SPON1: variants seen among roughly 807,000 people sequenced by gnomAD.
The protein encoded by SPON1 is spondin-1.
SPON1 carries 52 observed loss-of-function variants against 111.7 expected under a neutral mutation model. The ratio of observed to expected loss-of-function variants is 0.47; its 90% CI spans 0.37 to 0.59. The LOEUF (loss-of-function observed/expected upper bound fraction) is 0.59, where lower values mean the gene tolerates loss of function less well. Ranked by LOEUF, SPON1 falls within the 20% of genes least tolerant of loss-of-function variation. The pLI, the probability that SPON1 is intolerant of heterozygous loss-of-function variation, is 0.00. For missense variants in SPON1, 957 were observed against 1,068.5 expected, an observed-to-expected ratio of 0.90 and a Z score of 1.46; for synonymous variants, 410 against 395.8, an observed-to-expected ratio of 1.04 and a Z score of -0.43.
chr11:14,091,899 C>T (rs995763763), intron 5 of SPON1, among the ~76,000 whole-genome samples: 2 of 152,166 alleles, frequency 1.3e-5, no homozygotes, highest in Non-Finnish European at 2.9e-5. Context: ...CTCAATCCCT[C>T]ACGGCTTCCT....
At chr11:14,014,118 T>G (rs942781463) in intron 2 of SPON1, among the ~76,000 whole-genome samples, 7 of 152,192 alleles carry the variant, frequency 4.6e-5, no homozygotes, top group Non-Finnish European at 1.0e-4. Context: ...CCAAACTGCC[T>G]TGGCTTACCT....
At chr11:14,079,430 C>T (rs1848943378) in intron 4 of SPON1, among the ~76,000 whole-genome samples, 1 of 152,084 alleles carries the variant, frequency 6.6e-6, no homozygotes, top group Admixed American at 6.6e-5. Flanking sequence ...TTTCACTGCT[C>T]TGCTTCAAAG....
chr11:14,257,921 C>T, intron 11 of SPON1, 23 bp downstream of exon 11: 1 of 1,506,054 alleles, frequency 6.6e-7, no homozygotes, highest in Non-Finnish European at 8.9e-7. Flanking sequence ...CCCAGACCAG[C>T]CAGGGGCTGG....
chr11:14,160,937 A>ATATATT (rs1564919778), intron 6 of SPON1, among the ~76,000 whole-genome samples: 2,260 of 51,128 alleles, frequency 0.044, 542 homozygotes, highest in Non-Finnish European at 0.062. Flanking sequence ...ATATATTTAT[A>ATATATT]TATATATTTA....
At chr11:14,159,933 C>T (rs892416442) in intron 6 of SPON1, among the ~76,000 whole-genome samples, 23 of 151,590 alleles carry the variant, frequency 1.5e-4, no homozygotes, top group African/African-American at 3.6e-4. Flanking sequence ...GATGGTTAAC[C>T]GGTACAAAAA....
intron 6 of SPON1, among the ~76,000 whole-genome samples, chr11:14,156,167 CTT>C (rs2133870875): frequency 1.5e-5 from 2 of 132,988 alleles, no homozygotes; most frequent in South Asian, 5.1e-4. Flanking sequence ...TGTTTCCTGA[CTT>C]TTTAATGATT....
At chr11:14,170,452 T>C (rs1348807307) in intron 6 of SPON1, among the ~76,000 whole-genome samples, 2 of 152,196 alleles carry the variant, frequency 1.3e-5, no homozygotes, top group African/African-American at 4.8e-5. Context: ...CAGGGACAAT[T>C]TGACTTCCTC....
chr11:14,152,000 C>A (rs1554929950), intron 6 of SPON1, among the ~76,000 whole-genome samples: 2 of 152,186 alleles, frequency 1.3e-5, no homozygotes, highest in East Asian at 3.8e-4. Context: ...CATGTCATTT[C>A]TGCCTCCTTG....
chr11:14,237,216 A>G (rs1471046449), intron 6 of SPON1, among the ~76,000 whole-genome samples: 4 of 152,178 alleles, frequency 2.6e-5, no homozygotes, highest in Non-Finnish European at 5.9e-5. Flanking sequence ...CAGGATGGAT[A>G]TTTTTTGTGC....
Position 14,145,505 on chromosome 11 carries a change from C to A in SPON1, c.825+9937C>A, listed in dbSNP as rs1847706827. ...ATATATTACCTTAAGATTTAGAAGA[C>A]AATTTAGCAATATCTATCAAAATTA... On this transcript the variant is annotated intron_variant, in intron 6 of 15. Transcript: ENST00000576479. Among the ~76,000 whole-genome samples, 3 of 152,158 alleles carry A rather than the reference C, an allele frequency of 2.0e-5. No individual in the cohort carries two copies. The South Asian group carries it at 6.2e-4, about 32-fold the overall frequency.
In SPON1 at chr11:14,135,655, G is replaced by T. The variant is rs1474384252; in HGVS notation, c.825+87G>T. 1.5e-6 allele frequency: 2 copies of T among 1,368,166 alleles called. No individual in the cohort carries two copies. The highest frequency in any genetic ancestry group is 1.4e-5 in the African/African-American group (1 of 70,046). 84.8% of individuals were successfully genotyped at this position (1,368,166 alleles called of 1,614,324 possible). A position where few individuals can be genotyped will look rare whatever the true frequency, so the allele number is the denominator to read the frequency against. ...TATCTTTCCCAGGGGCTTGAAATTT[G>T]CAGTACAATGTGGTGGAAGAAAATC... On this transcript the variant is annotated intron_variant, in intron 6 of 15. Coordinates refer to ENST00000576479, the MANE Select transcript of SPON1 (RefSeq NM_006108.4). This position sits in a 1 kb window ranked among gnomAD's most constrained non-coding sequence, Gnocchi z 4.4.
At chr11:13,981,259 G>A (rs1848141744) in intron 1 of SPON1, among the ~76,000 whole-genome samples, 1 of 152,154 alleles carries the variant, frequency 6.6e-6, no homozygotes, top group Non-Finnish European at 1.5e-5. Context: ...AGGAGACTGG[G>A]GGTCCAATGG....
At chr11:14,158,569 G>A (rs1358326862) in intron 6 of SPON1, among the ~76,000 whole-genome samples, 4 of 152,070 alleles carry the variant, frequency 2.6e-5, no homozygotes, top group African/African-American at 9.7e-5. Context: ...CAGCCTCTTA[G>A]CCTTGTGTGG....
intron 6 of SPON1, among the ~76,000 whole-genome samples, chr11:14,160,449 ATATATT>A (rs1554930848): frequency 7.8e-5 from 2 of 25,530 alleles, no homozygotes; most frequent in African/African-American, 3.5e-4. Context: ...ATATTTATAT[ATATATT>A]TATATATATA....
At chr11:14,053,184 T>C (rs1249443519) in intron 3 of SPON1, among the ~76,000 whole-genome samples, 1 of 152,208 alleles carries the variant, frequency 6.6e-6, no homozygotes, top group Non-Finnish European at 1.5e-5. Context: ...TTTAAAGTGA[T>C]CAATTCAGTG....
At chr11:14,202,281 C>T (rs1848472469) in intron 6 of SPON1, among the ~76,000 whole-genome samples, 1 of 152,170 alleles carries the variant, frequency 6.6e-6, no homozygotes, top group Non-Finnish European at 1.5e-5. Flanking sequence ...GTACGCATGT[C>T]AAGGGAGACG....
At chr11:14,119,375 A>T (rs79980436) in intron 5 of SPON1, among the ~76,000 whole-genome samples, 3,314 of 152,266 alleles carry the variant, frequency 0.022, 121 homozygotes, top group African/African-American at 0.075. Flanking sequence ...GTATAGAATG[A>T]GTCCAGAATT....
chr11:14,004,044 T>G (rs1337573587), intron 2 of SPON1, among the ~76,000 whole-genome samples: 2 of 152,204 alleles, frequency 1.3e-5, no homozygotes, highest in Admixed American at 1.3e-4. Context: ...TTTTTCTTTC[T>G]CTTTCTGGCT....
intron 15 of SPON1, among the ~76,000 whole-genome samples, chr11:14,264,557 C>CTT (rs1554942259): frequency 1.3e-5 from 2 of 152,148 alleles, no homozygotes; most frequent in African/African-American, 2.4e-5. Context: ...GTTCAGGATC[C>CTT]TTATGATTAG....
Sources: gnomAD v4.1 joint callset for allele counts (sites outside exome capture counted in the v4.1 genomes callset) on GRCh38, gnomAD v4.1.1 for gene constraint, Gnocchi (gnomAD v3.1) non-coding constraint, MANE v1.5 for transcripts, NCBI Gene and HGNC (gene_info 2026-07-23, HGNC 2026-07-21) for gene names.